Variants in DERL1 observed in about 807,000 individuals in gnomAD.
DERL1 encodes derlin 1, also known as derlin-1.
A neutral mutation model predicts 41.6 loss-of-function variants in DERL1; 24 were observed. That is an observed-to-expected ratio of 0.58 (90% confidence interval 0.42 to 0.81). DERL1 has a LOEUF of 0.81. Ranked by LOEUF, DERL1 falls within the 30% of genes least tolerant of loss-of-function variation. The pLI, the probability that DERL1 is intolerant of heterozygous loss-of-function variation, is 0.00. For missense variants in DERL1, 260 were observed against 314.3 expected (o/e 0.83, Z 1.31); for synonymous variants, 124 against 112.5 (o/e 1.10, Z -0.65).
chr8:123,027,312 AAAAAAAAT>A (rs1270794675), intron 2 of DERL1, among the ~76,000 whole-genome samples: 8 of 146,634 alleles, frequency 5.5e-5, no homozygotes, highest in Non-Finnish European at 7.5e-5. Context: ...AAAAAAAAAA[AAAAAAAAT>A]TTAGTGGTCT....
chr8:123,020,074 C>A (rs115983874), intron 6 of DERL1, among the ~76,000 whole-genome samples: 1 of 152,200 alleles, frequency 6.6e-6, no homozygotes, highest in Admixed American at 6.5e-5. Context: ...TTCACTTCTC[C>A]CCAGCAATAT....
intron 5 of DERL1, among the ~76,000 whole-genome samples, chr8:123,021,767 G>A (rs986488443): frequency 3.9e-5 from 6 of 152,168 alleles, no homozygotes; most frequent in African/African-American, 1.4e-4. Flanking sequence ...CTGCTGAACT[G>A]CTATAAACAG....
intron 3 of DERL1, among the ~76,000 whole-genome samples, chr8:123,024,668 G>A (rs1812641313): frequency 6.6e-6 from 1 of 152,118 alleles, no homozygotes; most frequent in Non-Finnish European, 1.5e-5. Flanking sequence ...CTGTCTCATG[G>A]CACGGACTCT....
chr8:123,028,998 G>A, intron 2 of DERL1, among the ~76,000 whole-genome samples: 1 of 151,848 alleles, frequency 6.6e-6, no homozygotes, highest in South Asian at 2.1e-4. Flanking sequence ...AACCCCGGCA[G>A]TCAAGGCTGC....
intron 2 of DERL1, among the ~76,000 whole-genome samples, chr8:123,026,369 T>C (rs867318712): frequency 2.6e-5 from 4 of 152,362 alleles, no homozygotes; most frequent in Middle Eastern, 3.4e-3. Context: ...ACTTAAAATA[T>C]TGTAATCATA....
chr8:123,042,251 G>A lies in DERL1; in HGVS notation c.-129C>T. 3.2e-6 allele frequency: 4 copies of A among 1,239,310 alleles called. No individual in the cohort carries two copies. The highest frequency in any genetic ancestry group is 3.4e-5 in the Admixed American group (1 of 29,154). 76.8% of individuals were successfully genotyped at this position (1,239,310 alleles called of 1,614,324 possible). A position where few individuals can be genotyped will look rare whatever the true frequency, so the allele number is the denominator to read the frequency against. On this transcript the variant is annotated 5_prime_UTR_variant, in exon 1 of 8. Coordinates refer to ENST00000259512, the MANE Select transcript of DERL1 (RefSeq NM_024295.6). Reference sequence around the variant, plus strand: ...CCGCCGAAGCCGCGATGCAGAAGGCGGAGACGGGCGGACGTGGCGCCACCG... The same window carrying A: ...CCGCCGAAGCCGCGATGCAGAAGGCAGAGACGGGCGGACGTGGCGCCACCG...
chr8:123,015,243 C>T lies in DERL1; in HGVS notation c.*204G>A. 1 of 668,278 alleles carries T rather than the reference C, an allele frequency of 1.5e-6. No individual in the cohort carries two copies. Among genetic ancestry groups the T allele is most frequent in the South Asian group, 3.1e-5 (1 of 32,636 alleles). The allele number at this position is 668,278 out of a possible 1,614,324, so 41.4% of individuals were successfully genotyped here. On this transcript the variant is annotated 3_prime_UTR_variant, in exon 8 of 8. Coordinates refer to ENST00000259512, the MANE Select transcript of DERL1 (RefSeq NM_024295.6). ...TTGCACAGTTGGTATTTGTTCTTCA[C>T]AGCAGTAAGGACTTGAATGAGAATC... is the stretch of plus-strand genomic sequence containing the variant.
At chr8:123,023,469 C>T (rs1457060336) in intron 4 of DERL1, among the ~76,000 whole-genome samples, 2 of 152,044 alleles carry the variant, frequency 1.3e-5, no homozygotes, top group East Asian at 3.9e-4. Context: ...GCAGGAAAAT[C>T]ACTTGAACCC....
chr8:123,019,346 T>G (rs201953852), intron 6 of DERL1, 41 bp from the exon 7 acceptor site: 1 of 1,400,908 alleles, frequency 7.1e-7, no homozygotes, highest in African/African-American at 1.4e-5. Flanking sequence ...ATTCAAGCAA[T>G]AGAGATGCAC....
intron 5 of DERL1, 38 bp from the exon 6 acceptor site, chr8:123,021,537 C>T (rs750152849): frequency 7.6e-6 from 12 of 1,579,918 alleles, no homozygotes; most frequent in Non-Finnish European, 1.0e-5. Context: ...TGAGTAGCCA[C>T]ACCTGACGAG....
chr8:123,021,018 T>C (rs1814750258), intron 6 of DERL1, among the ~76,000 whole-genome samples: 2 of 151,042 alleles, frequency 1.3e-5, no homozygotes, highest in Admixed American at 1.3e-4. Flanking sequence ...CAAAATTATA[T>C]CCTATCTAAG....
chr8:123,036,898 T>C (rs906142252), intron 1 of DERL1, among the ~76,000 whole-genome samples: 6 of 152,204 alleles, frequency 3.9e-5, no homozygotes, highest in Non-Finnish European at 7.3e-5. Flanking sequence ...AAGCAAAAGC[T>C]TGGCAAATAT....
At chr8:123,032,153 G>A (rs565444819) in intron 1 of DERL1, among the ~76,000 whole-genome samples, 55 of 138,076 alleles carry the variant, frequency 4.0e-4, no homozygotes, top group East Asian at 1.6e-3. Context: ...TTTCCCCCCC[G>A]AGATAGGATC....
chr8:123,015,831 A>G, intron 7 of DERL1: 1 of 400,272 alleles, frequency 2.5e-6, no homozygotes. Context: ...CACACTCTGA[A>G]CGTTTTTTTC....
chr8:123,033,736 T>C (rs1234530765), intron 1 of DERL1, among the ~76,000 whole-genome samples: 2 of 152,172 alleles, frequency 1.3e-5, no homozygotes, highest in Non-Finnish European at 2.9e-5. Context: ...AGAGCGAAAC[T>C]ATGTCTTAAC....
intron 1 of DERL1, among the ~76,000 whole-genome samples, chr8:123,037,244 G>A (rs1395068926): frequency 6.6e-6 from 1 of 151,978 alleles, no homozygotes. Flanking sequence ...TTTTCTATGT[G>A]TTCTACATAC....
intron 2 of DERL1, among the ~76,000 whole-genome samples, chr8:123,027,144 A>G (rs1812715555): frequency 6.6e-6 from 1 of 151,870 alleles, no homozygotes; most frequent in Non-Finnish European, 1.5e-5. Context: ...AAATACAAAA[A>G]TTAGCCAGAT....
At chr8:123,017,914 G>A (rs755166212) in intron 7 of DERL1, 3 of 152,130 alleles carry the variant, frequency 2.0e-5, no homozygotes, top group Non-Finnish European at 4.4e-5. Flanking sequence ...TTTTTAGCCT[G>A]AAGGCAATTC....
In DERL1 at chr8:123,020,796, C is replaced by CAA. The variant is rs59816749; in HGVS notation, c.506+649_506+650dup. On this transcript the variant is annotated intron_variant, in intron 6 of 7. Coordinates refer to ENST00000259512, the MANE Select transcript of DERL1 (RefSeq NM_024295.6). ...AAAACCCCATCTCTACTAAAAATCC[C>CAA]AAAAAAAAAAAAAAAAAAAAATAGC... Among the ~76,000 whole-genome samples, 1,070 of 112,296 alleles carry CAA rather than the reference C, an allele frequency of 9.5e-3. 54 individuals carry two copies. The highest frequency in any genetic ancestry group is 0.024 in the African/African-American group (652 of 26,718). The allele number at this position is 112,296 out of a possible 152,430, so 73.7% of individuals were successfully genotyped here. A position where few individuals can be genotyped will look rare whatever the true frequency, so the allele number is the denominator to read the frequency against.
Sources: gnomAD v4.1 joint callset for allele counts (sites outside exome capture counted in the v4.1 genomes callset) on GRCh38, gnomAD v4.1.1 for gene constraint, MANE v1.5 for transcripts, NCBI Gene and HGNC (gene_info 2026-07-23, HGNC 2026-07-21) for gene names.